MACROD2: variants seen among roughly 807,000 people sequenced by gnomAD.
The protein encoded by MACROD2 is ADP-ribose glycohydrolase MACROD2.
A neutral mutation model predicts 70.4 loss-of-function variants in MACROD2; 36 were observed. The ratio of observed to expected loss-of-function variants is 0.51; its 90% CI spans 0.39 to 0.68. The LOEUF (loss-of-function observed/expected upper bound fraction) is 0.68, where lower values mean the gene tolerates loss of function less well. Among genes scored for constraint, MACROD2 ranks in the 30% least tolerant of loss-of-function variants. The pLI, the probability that MACROD2 is intolerant of heterozygous loss-of-function variation, is 0.00. For missense variants in MACROD2, 496 were observed against 538.4 expected, an observed-to-expected ratio of 0.92 and a Z score of 0.78; for synonymous variants, 172 against 178.8, an observed-to-expected ratio of 0.96 and a Z score of 0.30.
At chr20:14,527,073 T>C (rs991355384) in intron 4 of MACROD2, among the ~76,000 whole-genome samples, 3 of 152,144 alleles carry the variant, frequency 2.0e-5, no homozygotes, top group Non-Finnish European at 2.9e-5. Context: ...TCCCCTAGAG[T>C]TGGGCCTCCG....
intron 8 of MACROD2, among the ~76,000 whole-genome samples, chr20:15,768,391 A>G (rs1192930622): frequency 6.6e-6 from 1 of 152,212 alleles, no homozygotes; most frequent in South Asian, 2.1e-4. Context: ...GTGTCTAAAC[A>G]TAGCTCAACA....
intron 3 of MACROD2, among the ~76,000 whole-genome samples, chr20:14,209,018 C>T (rs1323267251): frequency 6.6e-6 from 1 of 152,140 alleles, no homozygotes; most frequent in East Asian, 1.9e-4. Flanking sequence ...AGCTAGTGTG[C>T]TCCTAAGAGA....
intron 3 of MACROD2, among the ~76,000 whole-genome samples, chr20:14,423,103 A>C (rs1291904188): frequency 1.3e-5 from 2 of 152,184 alleles, no homozygotes; most frequent in Non-Finnish European, 2.9e-5. Flanking sequence ...TTTGCAAATA[A>C]AGTCTGTTCT....
chr20:15,387,417 T>C (rs1261505202), intron 6 of MACROD2, among the ~76,000 whole-genome samples: 4 of 151,580 alleles, frequency 2.6e-5, no homozygotes, highest in Non-Finnish European at 5.9e-5. Flanking sequence ...TCCCTTCCAT[T>C]CTCCATCCTT....
At chr20:14,180,917 G>A (rs951569363) in intron 3 of MACROD2, among the ~76,000 whole-genome samples, 47 of 151,512 alleles carry the variant, frequency 3.1e-4, no homozygotes, top group African/African-American at 1.1e-3. Context: ...TAGTAATTTA[G>A]TAAGGATATA....
At chr20:15,910,256 G>C (rs1206138145) in intron 10 of MACROD2, among the ~76,000 whole-genome samples, 1 of 152,176 alleles carries the variant, frequency 6.6e-6, no homozygotes, top group African/African-American at 2.4e-5. Context: ...AATCAAGTGT[G>C]AGCTTCAAGT....
At position 15,961,087 on chromosome 20, in the gene MACROD2, C is replaced by T. The variant is rs543560639; in HGVS notation, c.908-6466C>T. The stretch of plus-strand genomic sequence containing the variant: ...ATAGAAACGATTGTAAAATAGCATG[C>T]GGTAGAGCCACACGATGAGCCACTC... On this transcript the variant is annotated intron_variant, in intron 12 of 17. Transcript: ENST00000684519. 1.4e-3 allele frequency among the ~76,000 whole-genome samples: 217 copies of T among 152,108 alleles called. 2 individuals are homozygous for T. The highest frequency in any genetic ancestry group is 4.9e-3 in the African/African-American group (204 of 41,484).
chr20:15,447,981 T>G (rs1013232253), intron 7 of MACROD2, among the ~76,000 whole-genome samples: 2 of 151,874 alleles, frequency 1.3e-5, no homozygotes, highest in Non-Finnish European at 2.9e-5. Context: ...TTCCCCACCC[T>G]AGAACCTACA....
intron 2 of MACROD2, chr20:14,003,816 A>G: frequency 2.7e-6 from 1 of 365,144 alleles, no homozygotes; most frequent in South Asian, 2.3e-5. Context: ...CATCATTGAA[A>G]GAGAGGAGAG....
At chr20:15,221,540 T>G (rs1226203138) in intron 5 of MACROD2, among the ~76,000 whole-genome samples, 1 of 152,082 alleles carries the variant, frequency 6.6e-6, no homozygotes, top group Non-Finnish European at 1.5e-5. Flanking sequence ...TTTCCATGAG[T>G]TTCAATCTGT....
chr20:15,667,705 T>C (rs1183231791), intron 8 of MACROD2, among the ~76,000 whole-genome samples: 1 of 152,188 alleles, frequency 6.6e-6, no homozygotes, highest in Non-Finnish European at 1.5e-5. Context: ...TCCTCCCACC[T>C]GTTACGGCTC....
At chr20:14,056,521 A>G (rs1031109778) in intron 2 of MACROD2, among the ~76,000 whole-genome samples, 2 of 152,048 alleles carry the variant, frequency 1.3e-5, no homozygotes, top group African/African-American at 2.4e-5. Context: ...AGTAAATGCC[A>G]TATAATAGAA....
At chr20:14,690,474 C>T (rs1252034130) in intron 5 of MACROD2, among the ~76,000 whole-genome samples, 1 of 152,194 alleles carries the variant, frequency 6.6e-6, no homozygotes, top group Non-Finnish European at 1.5e-5. Flanking sequence ...ATTAGTACTT[C>T]TTTTCTGCCC....
At chr20:15,161,676 A>T (rs182099448) in intron 5 of MACROD2, among the ~76,000 whole-genome samples, 1 of 152,030 alleles carries the variant, frequency 6.6e-6, no homozygotes, top group Non-Finnish European at 1.5e-5. Context: ...TCACTAATTT[A>T]CATTTTATTT....
chr20:15,345,314 A>G (rs1019672919), intron 6 of MACROD2, among the ~76,000 whole-genome samples: 1 of 152,204 alleles, frequency 6.6e-6, no homozygotes, highest in Admixed American at 6.5e-5. Context: ...TTATGTGCCA[A>G]TTACTGTCCT....
In MACROD2 at chr20:15,856,428, G is replaced by A. The variant is rs1169883281; in HGVS notation, c.646-6317G>A. ...GTTTTTCTTTTTTATAGAGTGCTTTGCAAAACCATCTAGGTTTCTCTGTAT... is the reference window on the plus strand; with the variant it reads ...GTTTTTCTTTTTTATAGAGTGCTTTACAAAACCATCTAGGTTTCTCTGTAT... On this transcript the variant is annotated intron_variant, in intron 8 of 17. Transcript: ENST00000684519. Among the ~76,000 whole-genome samples, 7 of 152,120 alleles carry A rather than the reference G, an allele frequency of 4.6e-5. No homozygotes were observed. In the East Asian group the frequency reaches 7.7e-4, roughly 17 times the overall value.
intron 9 of MACROD2, among the ~76,000 whole-genome samples, chr20:15,874,544 G>A (rs1183561446): frequency 7.9e-5 from 12 of 151,992 alleles, no homozygotes; most frequent in South Asian, 4.2e-4. Context: ...GTGTAAAAGC[G>A]TTCCTATTTC....
intron 10 of MACROD2, among the ~76,000 whole-genome samples, chr20:15,899,138 TA>T (rs1295858369): frequency 1.3e-5 from 2 of 151,946 alleles, no homozygotes; most frequent in Non-Finnish European, 2.9e-5. Flanking sequence ...CACATACAAA[TA>T]TATGGGTGTA....
rs776397530 is a variant in MACROD2, at chr20:15,885,804, A to G, written c.768A>G (p.Glu256=). 6.7e-7 allele frequency: 1 copy of G among 1,498,964 alleles called. No individual in the cohort carries two copies. The highest frequency in any genetic ancestry group is 8.9e-7 in the Non-Finnish European group (1 of 1,125,258). The allele number at this position is 1,498,964 out of a possible 1,614,324, so 92.9% of individuals were successfully genotyped here. A position where few individuals can be genotyped will look rare whatever the true frequency, so the allele number is the denominator to read the frequency against. ...NEEEEDVEMK[E]DSDENGPEEK... ...AAGAAGAGGATGTTGAAATGAAAGA[A>G]GATTCAGGTATTAAATTCATACTTT... The change falls in exon 10 of 18, where the codon GAA becomes GAG. Residue 256 remains glutamate (E), a synonymous_variant. Transcript: ENST00000684519.
Sources: allele counts gnomAD v4.1 joint callset (sites outside exome capture counted in the v4.1 genomes callset), GRCh38; gene constraint gnomAD v4.1.1; transcripts MANE v1.5; gene names NCBI Gene and HGNC (gene_info 2026-07-23, HGNC 2026-07-21).